The following UBN2 variants were observed in gnomAD, a reference collection of about 807,000 sequenced individuals.
UBN2 encodes ubinuclein 2.
Under a neutral mutation model 120.2 loss-of-function variants are expected in UBN2, and 35 were observed. That is an observed-to-expected ratio of 0.29 (90% CI 0.22 to 0.39). UBN2 has a LOEUF of 0.39. Ranked by LOEUF, UBN2 falls within the 10% of genes least tolerant of loss-of-function variation. The pLI is 1.00. For synonymous variants in UBN2, 661 were observed against 648.7 expected (o/e 1.02, Z -0.29); for missense variants, 1,693 against 1,663.2 (o/e 1.02, Z -0.31).
intron 2 of UBN2, among the ~76,000 whole-genome samples, chr7:139,245,056 C>T (rs1796429757): frequency 6.6e-6 from 1 of 151,818 alleles, no homozygotes; most frequent in African/African-American, 2.4e-5. Context: ...ACCTCAGCCT[C>T]CCAAGTAGCT....
Position 139,231,445 on chromosome 7 carries a change from G to C in UBN2, c.-40G>C. ...GGCACGCAGCGCGCCGTAGAAGCGA[G>C]CGCCGGCTCGAGCAAAAGCGGAGGG... On this transcript the variant is annotated 5_prime_UTR_variant, in exon 1 of 18. Transcript: ENST00000473989. 1 of 1,287,510 alleles carries C rather than the reference G, an allele frequency of 7.8e-7. No individual in the cohort carries two copies. Among genetic ancestry groups the C allele is most frequent in the South Asian group, 2.3e-5 (1 of 42,640 alleles). The allele number at this position is 1,287,510 out of a possible 1,614,324, so 79.8% of individuals were successfully genotyped here.
At chr7:139,239,294 T>A (rs1361144129) in intron 2 of UBN2, among the ~76,000 whole-genome samples, 1 of 152,178 alleles carries the variant, frequency 6.6e-6, no homozygotes, top group Non-Finnish European at 1.5e-5. Context: ...TTTTTAAGGC[T>A]GCATGCTGTT....
In UBN2 at chr7:139,273,403, A is replaced by G. The variant is rs756631494; in HGVS notation, c.1822A>G (p.Thr608Ala). 1.6e-5 allele frequency: 26 copies of G among 1,583,144 alleles called. No individual in the cohort carries two copies. Among genetic ancestry groups the G allele is most frequent in the Non-Finnish European group, 8.6e-6 (10 of 1,162,790 alleles). ...GPRKKFHWDD[T>A]IRTLLCNLVE... is the part of the protein sequence containing the mutation. ...AAGAAAGAAATTCCACTGGGATGAC[A>G]CTATCAGGTAAGATTTAATTAGTTT... The change falls in exon 10 of 18, where the codon ACT (threonine) becomes GCT (alanine). Residue 608 changes from threonine (T) to alanine (A), a missense_variant. Thr to Ala is a moderately conservative substitution (Grantham distance 58, BLOSUM62 0). Around this residue, in one of 5 missense-constraint regions of UBN2, gnomAD observed 178 missense variants for 204.0 expected, o/e 0.87. Transcript: ENST00000473989.
At chr7:139,248,930 G>A (rs1416041358) in intron 2 of UBN2, among the ~76,000 whole-genome samples, 1 of 151,910 alleles carries the variant, frequency 6.6e-6, no homozygotes, top group Non-Finnish European at 1.5e-5. Flanking sequence ...AAAAATAAAG[G>A]ACAATCTATT....
chr7:139,261,444 G>A lies in UBN2; in HGVS notation c.1098G>A (p.Gly366=), dbSNP rs754227373. ...CCCCATGTGCTGCTGCAGCACTGGG[G>A]AATGACGTCCCGGACTTAAATCTGA... ...NKPPCAAAAL[G]NDVPDLNLSS... The change falls in exon 6 of 18, where the codon GGG becomes GGA. Residue 366 remains glycine, a synonymous_variant. Transcript: ENST00000473989. The A allele has an allele frequency of 3.1e-6, 5 of 1,614,102 alleles. No individual in the cohort carries two copies. The highest frequency in any genetic ancestry group is 2.2e-5 in the South Asian group (2 of 91,088).
intron 3 of UBN2, among the ~76,000 whole-genome samples, chr7:139,254,236 T>A (rs1197258480): frequency 6.6e-6 from 1 of 151,938 alleles, no homozygotes; most frequent in Non-Finnish European, 1.5e-5. Flanking sequence ...GAGCTTGCAG[T>A]GAGCCGAGAT....
chr7:139,257,993 C>T (rs1019737773), intron 3 of UBN2, among the ~76,000 whole-genome samples: 4 of 152,046 alleles, frequency 2.6e-5, no homozygotes, highest in Admixed American at 1.3e-4. Flanking sequence ...AGGCTGGTCT[C>T]GAACTCCTGA....
chr7:139,322,397 C>G, the UBN2 span, among the ~76,000 whole-genome samples: 1 of 152,218 alleles, frequency 6.6e-6, no homozygotes, highest in African/African-American at 2.4e-5. Flanking sequence ...ATCATTACAA[C>G]TGATTTGTAG....
chr7:139,320,087 AG>A, the UBN2 span, among the ~76,000 whole-genome samples: 3 of 147,510 alleles, frequency 2.0e-5, no homozygotes, highest in African/African-American at 7.9e-5. Flanking sequence ...AAAAAAAAAA[AG>A]AGAGAAATTT....
intron 2 of UBN2, among the ~76,000 whole-genome samples, chr7:139,240,454 A>ATATATATAT (rs371717591): frequency 6.1e-4 from 75 of 123,104 alleles, no homozygotes; most frequent in East Asian, 2.0e-3. Context: ...ATATATATAT[A>ATATATATAT]TTTTTTTTTT....
At chr7:139,245,121 T>G (rs11978023) in intron 2 of UBN2, among the ~76,000 whole-genome samples, 4 of 146,418 alleles carry the variant, frequency 2.7e-5, no homozygotes, top group African/African-American at 1.0e-4. Context: ...TTTTTTTTTT[T>G]GAAAAACAGG....
intron 11 of UBN2, among the ~76,000 whole-genome samples, chr7:139,274,391 G>A (rs1307288531): frequency 6.6e-6 from 1 of 152,070 alleles, no homozygotes; most frequent in Non-Finnish European, 1.5e-5. Context: ...AGCTTTATAG[G>A]GGTAACATGA....
rs1171680113 is a variant in UBN2 at position 139,261,543 on chromosome 7, C to T, written c.1197C>T (p.Ala399=). The change falls in exon 6 of 18, where the codon GCC becomes GCT. Residue 399 remains alanine, a synonymous_variant. Coordinates refer to ENST00000473989, the MANE Select transcript of UBN2 (RefSeq NM_173569.4). ...EHELFQEAEN[A]LEMLDDFDFD... Reference sequence around the variant, plus strand: ...AGCTGTTTCAGGAAGCTGAAAATGCCCTAGAGATGCTAGATGATTTTGACT... The same window carrying T: ...AGCTGTTTCAGGAAGCTGAAAATGCTCTAGAGATGCTAGATGATTTTGACT... 1 of 1,614,076 alleles carries T rather than the reference C, an allele frequency of 6.2e-7. No homozygotes were observed. The highest frequency in any genetic ancestry group is 8.5e-7 in the Non-Finnish European group (1 of 1,180,020).
At chr7:139,258,448 C>G in intron 3 of UBN2, 40 bp from the exon 4 acceptor site, 2 of 1,485,696 alleles carry the variant, frequency 1.3e-6, no homozygotes, top group Non-Finnish European at 1.8e-6. Context: ...GAGTTAAAGA[C>G]AACAGGATAT....
downstream of UBN2, among the ~76,000 whole-genome samples, chr7:139,311,590 T>C (rs1214016600): frequency 1.3e-5 from 2 of 151,816 alleles, no homozygotes; most frequent in African/African-American, 4.8e-5. Context: ...CCTAGCACAG[T>C]GCCTAGCACA....
downstream of UBN2, among the ~76,000 whole-genome samples, chr7:139,312,495 T>C (rs541416972): frequency 4.6e-5 from 7 of 152,350 alleles, no homozygotes; most frequent in Admixed American, 1.3e-4. Context: ...ATAGTTAGTC[T>C]TCCCTTCTGT....
intron 3 of UBN2, among the ~76,000 whole-genome samples, chr7:139,257,303 G>T (rs1458437581): frequency 6.6e-6 from 1 of 152,132 alleles, no homozygotes; most frequent in East Asian, 1.9e-4. Flanking sequence ...CTCATTCTAG[G>T]TCCTCAAGTA....
chr7:139,290,129 G>A (rs912367316), intron 15 of UBN2, among the ~76,000 whole-genome samples: 1 of 151,996 alleles, frequency 6.6e-6, no homozygotes, highest in Non-Finnish European at 1.5e-5. Flanking sequence ...GGTTAGTAGA[G>A]ACCACCATGT....
intron 2 of UBN2, among the ~76,000 whole-genome samples, chr7:139,240,549 T>C (rs1796293864): frequency 1.3e-5 from 2 of 151,660 alleles, no homozygotes; most frequent in African/African-American, 4.8e-5. Context: ...GGGCGTTATA[T>C]GCCTAGAGCT....
Sources: allele counts gnomAD v4.1 joint callset (sites outside exome capture counted in the v4.1 genomes callset), GRCh38; gene constraint gnomAD v4.1.1; regional missense constraint gnomAD v4.1.1; transcripts MANE v1.5; gene names NCBI Gene and HGNC (gene_info 2026-07-23, HGNC 2026-07-21).